The following CCDC150 variants were observed in gnomAD, a reference collection of about 807,000 sequenced individuals.
CCDC150 encodes coiled-coil domain-containing protein 150.
Under a neutral mutation model 156.5 loss-of-function variants are expected in CCDC150, and 151 were observed. The observed-to-expected ratio is 0.97, with a 90% CI of 0.85 to 1.10. The LOEUF (loss-of-function observed/expected upper bound fraction) is 1.10, where lower values mean the gene tolerates loss of function less well. Among genes scored for constraint, CCDC150 ranks in the 50% least tolerant of loss-of-function variants. CCDC150 has a pLI of 0.00. For synonymous variants in CCDC150, 452 were observed against 429.4 expected (o/e 1.05, Z -0.65); for missense variants, 1,312 against 1,268.1 (o/e 1.03, Z -0.53).
Position 196,729,864 on chromosome 2 carries a change from A to T in CCDC150, c.2820+3A>T. 1 of 1,602,356 alleles carries T rather than the reference A, an allele frequency of 6.2e-7. No individual in the cohort carries two copies. Among genetic ancestry groups the T allele is most frequent in the Non-Finnish European group, 8.5e-7 (1 of 1,172,714 alleles). The stretch of plus-strand genomic sequence containing the variant: ...ATCAGAAAAAGAACTATGAACAGGT[A>T]GATGATTTCCATATACTCTGTGTTT... On this transcript the variant is annotated splice_donor_region_variant and intron_variant, in intron 24 of 27. Transcript: ENST00000389175.
chr2:196,666,979 T>G (rs984969066), intron 7 of CCDC150, 131 bp downstream of exon 7: 1 of 923,738 alleles, frequency 1.1e-6, no homozygotes, highest in Non-Finnish European at 1.7e-6. Flanking sequence ...TGTAAAACAT[T>G]GCAGATTTCC....
At chr2:196,644,960 C>CAA (rs34647446) in intron 1 of CCDC150, among the ~76,000 whole-genome samples, 4,783 of 144,340 alleles carry the variant, frequency 0.033, 172 homozygotes, top group African/African-American at 0.089. Context: ...ACTAAAAATA[C>CAA]AAAAAAAAAA....
At chr2:196,710,367 T>C (rs984965365) in intron 15 of CCDC150, among the ~76,000 whole-genome samples, 1 of 151,040 alleles carries the variant, frequency 6.6e-6, no homozygotes, top group African/African-American at 2.5e-5. Context: ...AGCACAGTAT[T>C]TGGGCAGGAG....
At chr2:196,686,231 C>T in intron 13 of CCDC150, 1 of 286,146 alleles carries the variant, frequency 3.5e-6, no homozygotes, top group Non-Finnish European at 6.8e-6. Flanking sequence ...GGAAAGACTT[C>T]TCCTGGGAAT....
chr2:196,639,748 C>G lies in CCDC150; in HGVS notation c.-19C>G, dbSNP rs371758728. 1.9e-6 allele frequency: 3 copies of G among 1,564,842 alleles called. No individual in the cohort carries two copies. The highest frequency in any genetic ancestry group is 2.7e-5 in the African/African-American group (2 of 73,118). On this transcript the variant is annotated 5_prime_UTR_variant, in exon 1 of 28. Coordinates refer to ENST00000389175, the MANE Select transcript of CCDC150 (RefSeq NM_001080539.2). The stretch of plus-strand genomic sequence containing the variant: ...GGAAACCCGCTCGCCTGCTGCAGTA[C>G]GGAGCCTCAGGCGGACAGATGGACT...
chr2:196,645,674 G>A (rs144383571), intron 1 of CCDC150, among the ~76,000 whole-genome samples: 8 of 152,190 alleles, frequency 5.3e-5, no homozygotes, highest in East Asian at 1.9e-4. Flanking sequence ...TTTTCATTGC[G>A]TTTTGGGGGA....
intron 13 of CCDC150, among the ~76,000 whole-genome samples, chr2:196,685,775 C>T (rs1695090230): frequency 6.6e-6 from 1 of 151,978 alleles, no homozygotes; most frequent in Admixed American, 6.6e-5. Context: ...CCACGCCTGG[C>T]TAATTTTTTT....
intron 21 of CCDC150, among the ~76,000 whole-genome samples, chr2:196,723,699 G>A (rs1243599085): frequency 1.3e-5 from 2 of 152,156 alleles, no homozygotes; most frequent in Non-Finnish European, 2.9e-5. Context: ...TATCACCAGA[G>A]TCAAACACAA....
intron 17 of CCDC150, chr2:196,713,791 G>T: frequency 8.4e-7 from 1 of 1,191,100 alleles, no homozygotes; most frequent in African/African-American, 1.6e-5. Context: ...AAGGAAATAA[G>T]GTTCTTCACA....
intron 27 of CCDC150, 102 bp from the exon 28 acceptor site, chr2:196,732,344 A>G: frequency 9.0e-7 from 1 of 1,115,344 alleles, no homozygotes; most frequent in Non-Finnish European, 1.3e-6. Flanking sequence ...GATTAGAATC[A>G]CTTGTCTTCA....
chr2:196,707,853 G>T (rs965606950), intron 15 of CCDC150, among the ~76,000 whole-genome samples: 8 of 152,054 alleles, frequency 5.3e-5, no homozygotes, highest in African/African-American at 1.9e-4. Context: ...TAATTTGATT[G>T]TACTGTCATC....
At chr2:196,692,653 C>T (rs1313720832) in intron 13 of CCDC150, among the ~76,000 whole-genome samples, 1 of 152,176 alleles carries the variant, frequency 6.6e-6, no homozygotes, top group Non-Finnish European at 1.5e-5. Context: ...ATTTCTTAGT[C>T]TTGAATTCTA....
rs1325397914 is a variant in CCDC150, at chr2:196,676,537, T to C, written c.1263-17T>C. On this transcript the variant is annotated splice_polypyrimidine_tract_variant and intron_variant, in intron 11 of 27. Coordinates refer to ENST00000389175, the MANE Select transcript of CCDC150 (RefSeq NM_001080539.2). The stretch of plus-strand genomic sequence containing the variant: ...ACTCTAATTTAGCTTTCATATGTTC[T>C]TGATCTCTTCCTGCAGGGATCATTT... 6.3e-7 allele frequency: 1 copy of C among 1,589,602 alleles called. No individual in the cohort carries two copies. The highest frequency in any genetic ancestry group is 1.8e-5 in the Admixed American group (1 of 56,044).
chr2:196,720,246 T>C (rs1485937600), intron 19 of CCDC150: 1 of 318,370 alleles, frequency 3.1e-6, no homozygotes, highest in South Asian at 3.2e-5. Flanking sequence ...TGAGTTTTCT[T>C]TTCTCTTTTT....
At chr2:196,706,807 T>C (rs991907544) in intron 15 of CCDC150, among the ~76,000 whole-genome samples, 5 of 152,202 alleles carry the variant, frequency 3.3e-5, no homozygotes, top group African/African-American at 1.2e-4. Flanking sequence ...ATGTGATGGA[T>C]TATGTTTATT....
chr2:196,654,922 C>G (rs1693100100), intron 2 of CCDC150, among the ~76,000 whole-genome samples: 1 of 152,178 alleles, frequency 6.6e-6, no homozygotes. Context: ...TCTCAAATCT[C>G]TGTGTACAAT....
At chr2:196,646,577 G>A (rs1211153569) in intron 2 of CCDC150, 73 bp downstream of exon 2, 3 of 1,128,434 alleles carry the variant, frequency 2.7e-6, no homozygotes, top group Non-Finnish European at 4.0e-6. Context: ...CAGTAGTTTG[G>A]CAGATGAGAT....
At chr2:196,663,169 G>A (rs1362131787) in intron 5 of CCDC150, among the ~76,000 whole-genome samples, 1 of 152,120 alleles carries the variant, frequency 6.6e-6, no homozygotes, top group Non-Finnish European at 1.5e-5. Context: ...AGTTGGGGGA[G>A]GTCAAGACTG....
chr2:196,725,234 T>C (rs564753384), intron 21 of CCDC150, among the ~76,000 whole-genome samples: 13 of 152,300 alleles, frequency 8.5e-5, no homozygotes, highest in African/African-American at 3.1e-4. Context: ...AGAGTAATCA[T>C]ACAGTAAGTC....
Sources: gnomAD v4.1 joint callset for allele counts (sites outside exome capture counted in the v4.1 genomes callset) on GRCh38, gnomAD v4.1.1 for gene constraint, MANE v1.5 for transcripts, NCBI Gene and HGNC (gene_info 2026-07-23, HGNC 2026-07-21) for gene names.